XPA: variants seen among roughly 807,000 people sequenced by gnomAD.
XPA encodes DNA repair protein complementing XP-A cells.
Under a neutral mutation model 35.7 loss-of-function variants are expected in XPA, and 27 were observed. The ratio of observed to expected loss-of-function variants is 0.76; its 90% confidence interval spans 0.56 to 1.04. The LOEUF (loss-of-function observed/expected upper bound fraction) is 1.04. Ranked by LOEUF, XPA falls within the 50% of genes least tolerant of loss-of-function variation. The pLI is 0.00. For synonymous variants in XPA, 133 were observed against 118.4 expected (o/e 1.12, Z -0.80); for missense variants, 354 against 342.7 (o/e 1.03, Z -0.26).
At chr9:97,682,189 T>A (rs1175548697) in intron 5 of XPA, 1 of 451,824 alleles carries the variant, frequency 2.2e-6, no homozygotes, top group Non-Finnish European at 4.4e-6. Context: ...CAGGTAAATA[T>A]AATCTCTTAC....
chr9:97,665,855 G>A, the XPA span, among the ~76,000 whole-genome samples: 1 of 145,862 alleles, frequency 6.9e-6, no homozygotes, highest in African/African-American at 2.5e-5. Context: ...TAGTGATAAC[G>A]TAGTCAATTA....
At chr9:97,688,197 C>T (rs1424994955) in intron 3 of XPA, among the ~76,000 whole-genome samples, 3 of 152,176 alleles carry the variant, frequency 2.0e-5, no homozygotes, top group Middle Eastern at 3.2e-3. Context: ...GGCAGGACCA[C>T]GTTCCTTTCT....
chr9:97,659,068 C>G, the XPA span, among the ~76,000 whole-genome samples: 1 of 152,210 alleles, frequency 6.6e-6, no homozygotes, highest in Non-Finnish European at 1.5e-5. Context: ...AATTCATTAT[C>G]TTGTTCAGGT....
downstream of XPA, among the ~76,000 whole-genome samples, chr9:97,670,759 G>C (rs1241353325): frequency 6.6e-6 from 1 of 152,176 alleles, no homozygotes; most frequent in Admixed American, 6.5e-5. Flanking sequence ...TGCCCTGACT[G>C]GGGAGAGAGC....
At chr9:97,664,488 T>C in the XPA span, 5 of 1,312,884 alleles carry the variant, frequency 3.8e-6, no homozygotes, top group Non-Finnish European at 4.4e-6. Flanking sequence ...TAAGAATTGA[T>C]ATATGTGTGG....
chr9:97,655,007 G>C, the XPA span: 5 of 1,287,800 alleles, frequency 3.9e-6, no homozygotes, highest in Non-Finnish European at 3.1e-6. Flanking sequence ...CTTCATAAAG[G>C]AATTTGAGAA....
the XPA span, among the ~76,000 whole-genome samples, chr9:97,668,099 A>G: frequency 6.6e-6 from 1 of 152,170 alleles, no homozygotes; most frequent in Non-Finnish European, 1.5e-5. Context: ...AACCTCGAAG[A>G]ATTACCAGGC....
At chr9:97,671,944 C>G (rs550125724), downstream of XPA, 15 of 152,206 alleles carry the variant, frequency 9.9e-5, no homozygotes, top group Non-Finnish European at 2.2e-4. Context: ...CTTAGAGCAT[C>G]TACTCACTTC....
intron 5 of XPA, among the ~76,000 whole-genome samples, chr9:97,678,672 C>T (rs1828446120): frequency 6.6e-6 from 1 of 152,190 alleles, no homozygotes; most frequent in African/African-American, 2.4e-5. Context: ...AAGACTGGTT[C>T]TAGCAAGCAC....
At chr9:97,656,117 C>A in the XPA span, 6 of 1,531,156 alleles carry the variant, frequency 3.9e-6, no homozygotes, top group Non-Finnish European at 5.4e-6. Flanking sequence ...CTTTTAACTT[C>A]TTTGGGAGGA....
downstream of XPA, among the ~76,000 whole-genome samples, chr9:97,674,464 T>C (rs986306868): frequency 2.0e-5 from 3 of 152,242 alleles, no homozygotes; most frequent in Admixed American, 1.3e-4. Flanking sequence ...ATTCTATTTG[T>C]ACAGTAGGAT....
intron 1 of XPA, among the ~76,000 whole-genome samples, chr9:97,694,797 T>TA (rs1156229990): frequency 6.6e-6 from 1 of 151,838 alleles, no homozygotes; most frequent in Non-Finnish European, 1.5e-5. Flanking sequence ...CTAAAATACA[T>TA]AAAAAAGAAT....
At chr9:97,662,669 A>C in the XPA span, among the ~76,000 whole-genome samples, 4 of 152,316 alleles carry the variant, frequency 2.6e-5, no homozygotes, top group Non-Finnish European at 5.9e-5. Context: ...ATGCAGTTTG[A>C]ATATTTCACC....
chr9:97,675,134 G>C lies in XPA; in HGVS notation c.*305C>G. 1 of 560,514 alleles carries C rather than the reference G, an allele frequency of 1.8e-6. No individual in the cohort carries two copies. The highest frequency in any genetic ancestry group is 3.4e-6 in the Non-Finnish European group (1 of 295,086). The allele number at this position is 560,514 out of a possible 1,614,324, so 34.7% of individuals were successfully genotyped here. The stretch of plus-strand genomic sequence containing the variant: ...TCTACCCCAATCTAGGGTTTGCCTT[G>C]GTATCTTGTCCTCAAATTTGTAGCT... On this transcript the variant is annotated 3_prime_UTR_variant, in exon 6 of 6. Transcript: ENST00000375128.
chr9:97,686,077 T>C (rs1197468094), intron 4 of XPA, among the ~76,000 whole-genome samples: 1 of 152,260 alleles, frequency 6.6e-6, no homozygotes, highest in Non-Finnish European at 1.5e-5. Flanking sequence ...AATGTTCTAA[T>C]CAACAGAATC....
intron 5 of XPA, among the ~76,000 whole-genome samples, chr9:97,684,442 A>G (rs1828645262): frequency 6.6e-6 from 1 of 152,198 alleles, no homozygotes. Flanking sequence ...TCTGCCAATA[A>G]CTATCTACAT....
intron 5 of XPA, among the ~76,000 whole-genome samples, chr9:97,684,469 T>C (rs1828646880): frequency 6.6e-6 from 1 of 152,222 alleles, no homozygotes; most frequent in Admixed American, 6.5e-5. Context: ...TCACTCCACC[T>C]TTCTGGGTCT....
intron 3 of XPA, 34 bp from the exon 4 acceptor site, chr9:97,687,295 T>C: frequency 3.2e-6 from 5 of 1,548,398 alleles, no homozygotes; most frequent in Non-Finnish European, 4.4e-6. Flanking sequence ...TATAAATTAG[T>C]TATTTTAAAT....
At chr9:97,657,885 G>GCGCTCTCTCTCTCT in the XPA span, among the ~76,000 whole-genome samples, 2 of 114,028 alleles carry the variant, frequency 1.8e-5, no homozygotes, top group African/African-American at 7.3e-5. Flanking sequence ...GCCCCGGTAA[G>GCGCTCTCTCTCTCT]CTCTCTCTCT....
Sources: gnomAD v4.1 joint callset for allele counts (sites outside exome capture counted in the v4.1 genomes callset) on GRCh38, gnomAD v4.1.1 for gene constraint, MANE v1.5 for transcripts, NCBI Gene and HGNC (gene_info 2026-07-23, HGNC 2026-07-21) for gene names.